ANKFN1: variants seen among roughly 807,000 people sequenced by gnomAD.
ANKFN1 encodes ankyrin repeat and fibronectin type III domain containing 1.
A neutral mutation model predicts 108.7 loss-of-function variants in ANKFN1; 74 were observed. That is an observed-to-expected ratio of 0.68 (90% confidence interval 0.56 to 0.83). ANKFN1 has a LOEUF of 0.83. Ranked by LOEUF, ANKFN1 falls within the 40% of genes least tolerant of loss-of-function variation. The pLI is 0.00. For missense variants in ANKFN1, 1,505 were observed against 1,382.3 expected (o/e 1.09, Z -1.41); for synonymous variants, 547 against 516.2 (o/e 1.06, Z -0.81).
chr17:56,294,133 A>G (rs2044443815), intron 3 of ANKFN1, among the ~76,000 whole-genome samples: 1 of 152,234 alleles, frequency 6.6e-6, no homozygotes, highest in African/African-American at 2.4e-5. Context: ...TTGTTTTGCT[A>G]TCAGCTAGAA....
intron 8 of ANKFN1, among the ~76,000 whole-genome samples, chr17:56,399,929 A>G (rs1219936367): frequency 6.9e-6 from 1 of 145,414 alleles, no homozygotes; most frequent in Non-Finnish European, 1.5e-5. Context: ...ATATATAGTG[A>G]TATATATACA....
intron 8 of ANKFN1, among the ~76,000 whole-genome samples, chr17:56,406,795 G>T (rs1445800181): frequency 6.6e-6 from 1 of 152,150 alleles, no homozygotes; most frequent in Non-Finnish European, 1.5e-5. Flanking sequence ...GTGGGAAAAT[G>T]CATAGCATTT....
At chr17:56,460,407 C>T (rs1229931185) in intron 14 of ANKFN1, among the ~76,000 whole-genome samples, 2 of 151,970 alleles carry the variant, frequency 1.3e-5, no homozygotes, top group Non-Finnish European at 1.5e-5. Context: ...GAGCTGAGAT[C>T]GTGTCCCTGC....
At chr17:56,309,941 G>T (rs528883777) in intron 3 of ANKFN1, among the ~76,000 whole-genome samples, 1 of 152,166 alleles carries the variant, frequency 6.6e-6, no homozygotes, top group Non-Finnish European at 1.5e-5. Flanking sequence ...TGAATAGCAC[G>T]GGCGTTGTGA....
chr17:56,070,795 C>T (rs1277857657), intron 4 of ANKFN1, among the ~76,000 whole-genome samples: 4 of 150,440 alleles, frequency 2.7e-5, no homozygotes, highest in East Asian at 2.0e-4. Context: ...GGTGCAGTGG[C>T]GCGATCTCAG....
At chr17:56,183,073 T>C (rs1911842558) in intron 1 of ANKFN1, among the ~76,000 whole-genome samples, 2 of 152,228 alleles carry the variant, frequency 1.3e-5, no homozygotes, top group Non-Finnish European at 2.9e-5. Context: ...ACAATGCAGC[T>C]CATCATCCAA....
intron 8 of ANKFN1, among the ~76,000 whole-genome samples, chr17:56,416,734 T>C (rs1473455730): frequency 6.6e-6 from 1 of 152,222 alleles, no homozygotes; most frequent in Non-Finnish European, 1.5e-5. Flanking sequence ...AACATCAGTG[T>C]ATCAAAAAGA....
chr17:56,371,818 C>T (rs577246185), intron 6 of ANKFN1, among the ~76,000 whole-genome samples: 4 of 152,294 alleles, frequency 2.6e-5, no homozygotes, highest in African/African-American at 7.2e-5. Context: ...TTGACATGAA[C>T]GCAAGAGCAG....
intron 1 of ANKFN1, among the ~76,000 whole-genome samples, chr17:56,188,056 T>C (rs1438507210): frequency 1.3e-5 from 2 of 152,138 alleles, no homozygotes; most frequent in Admixed American, 1.3e-4. Context: ...GTTGTGCACA[T>C]GTACCCTAGA....
Position 56,511,187 on chromosome 17 carries a change from T to A in ANKFN1, c.3359T>A (p.Leu1120Gln). The change falls in exon 21 of 21, where the codon CTG becomes CAG. Residue 1120 changes from leucine to glutamine, a missense_variant. Physicochemically the swap from Leu to Gln is moderately radical, Grantham distance 113 (BLOSUM62 -2). Coordinates refer to ENST00000682825, the MANE Select transcript of ANKFN1 (RefSeq NM_001370326.1). ...CCGCCCTCTGGAGGCCGCATCACCC[T>A]GCCCAGCCCCACTGGCCCCGATGTG... ...LSPPSGGRIT[L>Q]PSPTGPDVSQ... The A allele has an allele frequency of 2.0e-6, 3 of 1,535,988 alleles. No homozygotes were observed. Among genetic ancestry groups the A allele is most frequent in the Non-Finnish European group, 2.6e-6 (3 of 1,146,854 alleles).
chr17:56,448,278 GA>G (rs150553469), intron 10 of ANKFN1, among the ~76,000 whole-genome samples: 4 of 142,378 alleles, frequency 2.8e-5, no homozygotes, highest in East Asian at 2.0e-4. Flanking sequence ...CTGACCTGCT[GA>G]AAAAAAAAAC....
intron 4 of ANKFN1, among the ~76,000 whole-genome samples, chr17:56,093,221 C>T (rs28645815): frequency 6.6e-6 from 1 of 150,726 alleles, no homozygotes; most frequent in Non-Finnish European, 1.5e-5. Flanking sequence ...GTCATGATGG[C>T]ATGATATTAA....
chr17:56,457,331 T>A lies in ANKFN1; in HGVS notation c.1382T>A (p.Val461Asp), dbSNP rs1181456347. ...ACCAATGAAGATCAAGTACCAATTG[T>A]TGAAATAGATGACTCTCACACCAGT... ...LVTNEDQVPI[V>D]EIDDSHTSSI... Residue 461 changes from valine (V) to aspartate (D), a missense_variant, in exon 13 of 21, where the codon GTT becomes GAT. Physicochemically the swap from Val to Asp is radical, Grantham distance 152. Transcript: ENST00000682825. 2 of 1,608,490 alleles carry A rather than the reference T, an allele frequency of 1.2e-6. No homozygotes were observed. The highest frequency in any genetic ancestry group is 1.7e-6 in the Non-Finnish European group (2 of 1,177,600).
chr17:56,217,057 C>G (rs1027295662), intron 2 of ANKFN1, among the ~76,000 whole-genome samples: 1 of 152,218 alleles, frequency 6.6e-6, no homozygotes, highest in Non-Finnish European at 1.5e-5. Flanking sequence ...ATAACATTCT[C>G]TCACCCACAT....
At chr17:56,385,107 G>A (rs1357223384) in intron 8 of ANKFN1, among the ~76,000 whole-genome samples, 1 of 151,188 alleles carries the variant, frequency 6.6e-6, no homozygotes, top group Non-Finnish European at 1.5e-5. Flanking sequence ...GCATGGTACT[G>A]GTACCAAAAC....
At chr17:56,495,313 G>GTCTCTCTCTCTCTCTCTC (rs150627971) in intron 19 of ANKFN1, among the ~76,000 whole-genome samples, 105 of 147,530 alleles carry the variant, frequency 7.1e-4, no homozygotes, top group Non-Finnish European at 1.3e-3. Flanking sequence ...TGACTTTGTG[G>GTCTCTCTCTCTCTCTCTC]TCTCTCTCTC....
At chr17:56,490,696 G>A (rs1368976215) in intron 18 of ANKFN1, among the ~76,000 whole-genome samples, 2 of 152,122 alleles carry the variant, frequency 1.3e-5, no homozygotes, top group African/African-American at 4.8e-5. Context: ...TCAGTTCTCT[G>A]TGTCAGGCAA....
chr17:56,053,235 G>A (rs543394525), intron 4 of ANKFN1, among the ~76,000 whole-genome samples: 1 of 152,210 alleles, frequency 6.6e-6, no homozygotes, highest in South Asian at 2.1e-4. Context: ...CATAAAATTT[G>A]TAATAATCAC....
At chr17:56,237,104 T>C (rs1004810144) in intron 3 of ANKFN1, among the ~76,000 whole-genome samples, 1 of 152,244 alleles carries the variant, frequency 6.6e-6, no homozygotes, top group Non-Finnish European at 1.5e-5. Context: ...ATACCAGGGA[T>C]GAAGCCTACT....
Sources: gnomAD v4.1 joint callset for allele counts (sites outside exome capture counted in the v4.1 genomes callset) on GRCh38, gnomAD v4.1.1 for gene constraint, MANE v1.5 for transcripts, NCBI Gene and HGNC (gene_info 2026-07-23, HGNC 2026-07-21) for gene names.